Variants in ARGLU1 observed in about 807,000 individuals in gnomAD.
ARGLU1 encodes arginine and glutamate rich 1, also known as arginine and glutamate-rich protein 1.
A neutral mutation model predicts 37.6 loss-of-function variants in ARGLU1; 9 were observed. The observed-to-expected ratio is 0.24, with a 90% CI of 0.14 to 0.42. The LOEUF (loss-of-function observed/expected upper bound fraction) is 0.42, where lower values mean the gene tolerates loss of function less well. Ranked by LOEUF, ARGLU1 falls within the 10% of genes least tolerant of loss-of-function variation. ARGLU1 has a pLI of 1.00. For missense variants in ARGLU1, 211 were observed against 359.2 expected (o/e 0.59, Z 3.34); for synonymous variants, 166 against 138.5 (o/e 1.20, Z -1.39).
chr13:106,551,027 A>T (rs1187454241), intron 3 of ARGLU1, among the ~76,000 whole-genome samples: 1 of 152,212 alleles, frequency 6.6e-6, no homozygotes, highest in African/African-American at 2.4e-5. Flanking sequence ...GGATAATCTC[A>T]TCTATTTCTG....
At position 106,556,991 on chromosome 13, in the gene ARGLU1, C is replaced by T. The variant is rs545631955; in HGVS notation, c.657+57G>A. 8.4e-5 allele frequency: 124 copies of T among 1,478,820 alleles called. 1 individual carries two copies. Among genetic ancestry groups the T allele is most frequent in the African/African-American group, 7.2e-4 (52 of 72,008 alleles). The allele number at this position is 1,478,820 out of a possible 1,614,324, so 91.6% of individuals were successfully genotyped here. A position where few individuals can be genotyped will look rare whatever the true frequency, so the allele number is the denominator to read the frequency against. ...GGCACAAAAATCAATCCACAAAATC[C>T]GAAAAAAGGAAATAAAGCAAAATAC... On this transcript the variant is annotated intron_variant, in intron 3 of 3. Coordinates refer to ENST00000400198, the MANE Select transcript of ARGLU1 (RefSeq NM_018011.4).
chr13:106,542,331 A>G lies in ARGLU1; in HGVS notation c.*1665T>C, dbSNP rs2138960151. On this transcript the variant is annotated 3_prime_UTR_variant, in exon 4 of 4. Transcript: ENST00000400198. Reference sequence around the variant, plus strand: ...AAAAAAAAAAATTCATGAAATAATTACAGCTAACCTATATTTAGAGATAAA... The same window carrying G: ...AAAAAAAAAAATTCATGAAATAATTGCAGCTAACCTATATTTAGAGATAAA... The G allele has an allele frequency of 6.6e-6, 1 of 152,252 alleles. No individual in the cohort carries two copies. Among genetic ancestry groups the G allele is most frequent in the African/African-American group, 2.4e-5 (1 of 41,578 alleles). 9.4% of individuals were successfully genotyped at this position (152,252 alleles called of 1,614,324 possible).
At position 106,543,855 on chromosome 13, in the gene ARGLU1, G is replaced by T; in HGVS notation, c.*141C>A. 1 of 676,534 alleles carries T rather than the reference G, an allele frequency of 1.5e-6. No individual in the cohort carries two copies. The highest frequency in any genetic ancestry group is 2.3e-6 in the Non-Finnish European group (1 of 429,426). 41.9% of individuals were successfully genotyped at this position (676,534 alleles called of 1,614,324 possible). A position where few individuals can be genotyped will look rare whatever the true frequency, so the allele number is the denominator to read the frequency against. On this transcript the variant is annotated 3_prime_UTR_variant, in exon 4 of 4. Transcript: ENST00000400198. Reference sequence around the variant, plus strand: ...AAAAAAAAAAAAAGGGAATTGCAGAGCATAGCCCCTATTAGAACAAGCTAA... The same window carrying T: ...AAAAAAAAAAAAAGGGAATTGCAGATCATAGCCCCTATTAGAACAAGCTAA...
rs1566469012 is a variant in ARGLU1, at chr13:106,543,094, G to C, written c.*902C>G. 1 of 152,000 alleles carries C rather than the reference G, an allele frequency of 6.6e-6. No homozygotes were observed. The highest frequency in any genetic ancestry group is 1.5e-5 in the Non-Finnish European group (1 of 67,926). The allele number at this position is 152,000 out of a possible 1,614,324, so 9.4% of individuals were successfully genotyped here. On this transcript the variant is annotated 3_prime_UTR_variant, in exon 4 of 4. Transcript: ENST00000400198. ...AATTTAAATCTTCTGGATGTTGTTA[G>C]TCTTTCTTAAAGGTAACACTGATGC...
rs1242397560 is a variant in ARGLU1 at position 106,559,472 on chromosome 13, C to T, written c.533G>A (p.Arg178Gln). The change falls in exon 2 of 4, where the codon CGA (arginine) becomes CAA (glutamine). Residue 178 changes from arginine to glutamine, a missense_variant. By Grantham distance (43) the Arg-to-Gln change is conservative. Coordinates refer to ENST00000400198, the MANE Select transcript of ARGLU1 (RefSeq NM_018011.4). ...MEKQLLEELE[R>Q]QRQAELAAQK... ...TGCGGCAAGCTCAGCTTGTCTCTGT[C>T]GCTCGAGTTCTTCGAGCAACTGCTT... The T allele has an allele frequency of 5.0e-6, 8 of 1,614,054 alleles. No homozygotes were observed. Among genetic ancestry groups the T allele is most frequent in the South Asian group, 2.2e-5 (2 of 91,082 alleles).
intron 3 of ARGLU1, among the ~76,000 whole-genome samples, chr13:106,552,896 T>C (rs1880566360): frequency 1.3e-5 from 2 of 152,168 alleles, no homozygotes; most frequent in Admixed American, 6.5e-5. Flanking sequence ...AAACCAAATA[T>C]CTTGGTACAC....
chr13:106,557,267 G>A lies in ARGLU1; in HGVS notation c.574-136C>T. 1 of 799,930 alleles carries A rather than the reference G, an allele frequency of 1.3e-6. No individual in the cohort carries two copies. The highest frequency in any genetic ancestry group is 2.0e-6 in the Non-Finnish European group (1 of 511,808). 49.6% of individuals were successfully genotyped at this position (799,930 alleles called of 1,614,324 possible). ...TATAGCTACCTTCTGTCTGACAAAT[G>A]ATAAACTGTGCAGTCACTAAAATTG... On this transcript the variant is annotated intron_variant, in intron 2 of 3. Transcript: ENST00000400198. This position sits in a 1 kb window ranked among gnomAD's most constrained non-coding sequence, Gnocchi z 5.0.
At chr13:106,551,046 T>C (rs1298529102) in intron 3 of ARGLU1, among the ~76,000 whole-genome samples, 4 of 152,228 alleles carry the variant, frequency 2.6e-5, no homozygotes, top group African/African-American at 9.6e-5. Context: ...TGGCTTTTAC[T>C]GAGATAGTAC....
At chr13:106,550,759 C>T (rs1880512431) in intron 3 of ARGLU1, among the ~76,000 whole-genome samples, 1 of 152,178 alleles carries the variant, frequency 6.6e-6, no homozygotes, top group South Asian at 2.1e-4. Flanking sequence ...CTGCCTCTTC[C>T]AGCTTCTGGT....
Position 106,557,259 on chromosome 13 carries a change from T to A in ARGLU1, c.574-128A>T. On this transcript the variant is annotated intron_variant, in intron 2 of 3. Transcript: ENST00000400198. This position sits in a 1 kb window ranked among gnomAD's most constrained non-coding sequence, Gnocchi z 5.0. ...GGTAGCTTTATAGCTACCTTCTGTC[T>A]GACAAATGATAAACTGTGCAGTCAC... 2.4e-6 allele frequency: 2 copies of A among 830,086 alleles called. No individual in the cohort carries two copies. Among genetic ancestry groups the A allele is most frequent in the Non-Finnish European group, 3.7e-6 (2 of 534,964 alleles). 51.4% of individuals were successfully genotyped at this position (830,086 alleles called of 1,614,324 possible). A position where few individuals can be genotyped will look rare whatever the true frequency, so the allele number is the denominator to read the frequency against.
chr13:106,545,472 C>A (rs1880365444), intron 3 of ARGLU1, among the ~76,000 whole-genome samples: 2 of 152,074 alleles, frequency 1.3e-5, no homozygotes, highest in South Asian at 4.1e-4. Context: ...CAAATAAATT[C>A]TTCTGTTCAC....
intron 3 of ARGLU1, among the ~76,000 whole-genome samples, chr13:106,554,123 T>G (rs150769682): frequency 1.3e-5 from 2 of 152,220 alleles, no homozygotes; most frequent in African/African-American, 4.8e-5. Flanking sequence ...ACTATGTCAT[T>G]ATCTTACATT....
At position 106,541,800 on chromosome 13, in the gene ARGLU1, AC is replaced by A. The variant is rs1259862418; in HGVS notation, c.*2195del. On this transcript the variant is annotated 3_prime_UTR_variant, in exon 4 of 4. Coordinates refer to ENST00000400198, the MANE Select transcript of ARGLU1 (RefSeq NM_018011.4). ...AATGCATTAAGAATAACCTAAAAAA[AC>A]AAATTGTGAATAAAGGCATATTTAA... 5 of 152,208 alleles carry A rather than the reference AC, an allele frequency of 3.3e-5. No homozygotes were observed. Among genetic ancestry groups the A allele is most frequent in the African/African-American group, 7.2e-5 (3 of 41,458 alleles). 9.4% of individuals were successfully genotyped at this position (152,208 alleles called of 1,614,324 possible).
chr13:106,544,324 TA>T (rs751669783), intron 3 of ARGLU1, among the ~76,000 whole-genome samples, 164 bp from the exon 4 acceptor site: 3 of 152,130 alleles, frequency 2.0e-5, no homozygotes, highest in Non-Finnish European at 4.4e-5. Context: ...GCCTTCAAAA[TA>T]TTTTAGTTAT....
chr13:106,560,761 T>G (rs1880779067), intron 1 of ARGLU1, among the ~76,000 whole-genome samples: 1 of 152,224 alleles, frequency 6.6e-6, no homozygotes, highest in Admixed American at 6.5e-5. Context: ...ACGATTCATG[T>G]TCCAACTTTC....
At chr13:106,558,379 A>ATT in intron 2 of ARGLU1, 1 of 985,424 alleles carries the variant, frequency 1.0e-6, no homozygotes, top group Non-Finnish European at 1.2e-6. Flanking sequence ...AAGCAAAGAG[A>ATT]TTTAATATGT....
At chr13:106,566,684 G>A (rs142391781) in intron 1 of ARGLU1, among the ~76,000 whole-genome samples, 2 of 152,240 alleles carry the variant, frequency 1.3e-5, no homozygotes, top group East Asian at 1.9e-4. Context: ...AGAAATACTT[G>A]AGAGCTGACA....
In ARGLU1 at chr13:106,567,972, C is replaced by T; in HGVS notation, c.-53G>A. The T allele has an allele frequency of 6.5e-7, 1 of 1,530,070 alleles. No individual in the cohort carries two copies. Among genetic ancestry groups the T allele is most frequent in the Non-Finnish European group, 8.7e-7 (1 of 1,151,612 alleles). 94.8% of individuals were successfully genotyped at this position (1,530,070 alleles called of 1,614,324 possible). On this transcript the variant is annotated 5_prime_UTR_variant, in exon 1 of 4. Coordinates refer to ENST00000400198, the MANE Select transcript of ARGLU1 (RefSeq NM_018011.4). The surrounding 1 kb of genome is among the most constrained non-coding windows in gnomAD (Gnocchi z 4.3). ...CCTCAGGCCCCTCACGCGGCCAGTTCCCCTCGCCTCCGCCTTCGGACGCGG... is the reference window on the plus strand; with the variant it reads ...CCTCAGGCCCCTCACGCGGCCAGTTTCCCTCGCCTCCGCCTTCGGACGCGG...
chr13:106,555,751 A>G, intron 3 of ARGLU1, among the ~76,000 whole-genome samples: 1 of 152,192 alleles, frequency 6.6e-6, no homozygotes, highest in East Asian at 1.9e-4. Flanking sequence ...AAGGAGGCCA[A>G]GCCGTCCCTA....
Sources: allele counts gnomAD v4.1 joint callset (sites outside exome capture counted in the v4.1 genomes callset), GRCh38; gene constraint gnomAD v4.1.1; non-coding constraint Gnocchi (gnomAD v3.1); transcripts MANE v1.5; gene names NCBI Gene and HGNC (gene_info 2026-07-23, HGNC 2026-07-21).